The following CFAP54 variants were observed in gnomAD, a reference collection of about 807,000 sequenced individuals.
The protein encoded by CFAP54 is cilia- and flagella-associated protein 54.
Under a neutral mutation model 370.4 loss-of-function variants are expected in CFAP54, and 290 were observed. The ratio of observed to expected loss-of-function variants is 0.78; its 90% confidence interval spans 0.71 to 0.86. The LOEUF (loss-of-function observed/expected upper bound fraction) is 0.86, where lower values mean the gene tolerates loss of function less well. Ranked by LOEUF, CFAP54 falls within the 40% of genes least tolerant of loss-of-function variation. CFAP54 has a pLI of 0.00. For missense variants in CFAP54, 3,399 were observed against 3,528.7 expected, an observed-to-expected ratio of 0.96 and a Z score of 0.93; for synonymous variants, 1,206 against 1,236.5, an observed-to-expected ratio of 0.98 and a Z score of 0.52.
intron 19 of CFAP54, among the ~76,000 whole-genome samples, chr12:96,571,693 AT>A (rs1182360633): frequency 6.6e-6 from 1 of 152,110 alleles, no homozygotes; most frequent in Admixed American, 6.5e-5. Flanking sequence ...ACTAAGTAGT[AT>A]TGGTTTCATG....
At chr12:96,605,997 A>G (rs117077998) in intron 26 of CFAP54, among the ~76,000 whole-genome samples, 2,286 of 152,308 alleles carry the variant, frequency 0.015, 48 homozygotes, top group Non-Finnish European at 0.019. Context: ...ACCTGTAGGC[A>G]TCCTTTATTT....
chr12:96,530,851 CT>C (rs1299930768), intron 9 of CFAP54, among the ~76,000 whole-genome samples: 1 of 152,196 alleles, frequency 6.6e-6, no homozygotes, highest in East Asian at 1.9e-4. Context: ...TGTATCATTA[CT>C]TTTTTATTTT....
At chr12:96,541,283 C>T (rs1955565727) in intron 14 of CFAP54, among the ~76,000 whole-genome samples, 1 of 146,768 alleles carries the variant, frequency 6.8e-6, no homozygotes, top group Non-Finnish European at 1.5e-5. Context: ...TTCACTTTCT[C>T]TCCCTTTTTT....
chr12:96,826,579 A>T, intron 65 of CFAP54, among the ~76,000 whole-genome samples: 1 of 109,176 alleles, frequency 9.2e-6, no homozygotes. Context: ...AATATAGATT[A>T]TATGTATTAT....
intron 8 of CFAP54, among the ~76,000 whole-genome samples, chr12:96,526,577 C>T (rs1408088542): frequency 1.3e-5 from 2 of 152,156 alleles, no homozygotes; most frequent in Admixed American, 1.3e-4. Context: ...CAAAGCACCC[C>T]TGAGTGATTC....
chr12:96,792,306 T>C, intron 62 of CFAP54, 23 bp from the exon 63 acceptor site: 1 of 1,463,850 alleles, frequency 6.8e-7, no homozygotes, highest in Non-Finnish European at 9.0e-7. Context: ...GTAATTAAAC[T>C]GATGTTTTTG....
intron 17 of CFAP54, among the ~76,000 whole-genome samples, chr12:96,558,597 G>A (rs1354477513): frequency 6.6e-6 from 1 of 152,058 alleles, no homozygotes; most frequent in East Asian, 1.9e-4. Context: ...CACACCTACA[G>A]TGAACTCATT....
At chr12:96,749,330 A>C (rs141373139) in intron 55 of CFAP54, among the ~76,000 whole-genome samples, 56 of 152,370 alleles carry the variant, frequency 3.7e-4, no homozygotes, top group African/African-American at 1.3e-3. Flanking sequence ...AATCTCATGC[A>C]GGAGGGCAGA....
chr12:96,867,796 T>C (rs1960043382), intron 67 of CFAP54, among the ~76,000 whole-genome samples: 1 of 152,116 alleles, frequency 6.6e-6, no homozygotes, highest in Non-Finnish European at 1.5e-5. Flanking sequence ...AATTTCAAGT[T>C]AACAAGAAGA....
intron 39 of CFAP54, among the ~76,000 whole-genome samples, chr12:96,677,708 C>T (rs906000697): frequency 3.9e-5 from 6 of 152,172 alleles, no homozygotes; most frequent in Non-Finnish European, 8.8e-5. Flanking sequence ...GTATTTGATT[C>T]TCTTAAATGT....
intron 60 of CFAP54, 75 bp downstream of exon 60, chr12:96,765,293 T>C: frequency 7.7e-7 from 1 of 1,296,200 alleles, no homozygotes; most frequent in Non-Finnish European, 1.0e-6. Context: ...AAGATTTAAT[T>C]GTAATTTGTT....
At position 96,626,856 on chromosome 12, in the gene CFAP54, A is replaced by G. The variant is rs1181958521; in HGVS notation, c.4020A>G (p.Thr1340=). 6 of 1,419,974 alleles carry G rather than the reference A, an allele frequency of 4.2e-6. No individual in the cohort carries two copies. Among genetic ancestry groups the G allele is most frequent in the African/African-American group, 1.4e-5 (1 of 70,540 alleles). 88.0% of individuals were successfully genotyped at this position (1,419,974 alleles called of 1,614,324 possible). The change falls in exon 30 of 68, where the codon ACA becomes ACG. Residue 1340 remains threonine, a synonymous_variant. Transcript: ENST00000524981. ...AACCAAGATTTCTGGAATTCTTTAC[A>G]CAAGTTATGCTAAAATGCATGAATG... ...KQKPRFLEFF[T]QVMLKCMNEE...
intron 59 of CFAP54, 26 bp from the exon 60 acceptor site, chr12:96,765,051 A>G: frequency 7.3e-7 from 1 of 1,370,770 alleles, no homozygotes; most frequent in Non-Finnish European, 9.6e-7. Flanking sequence ...TTATATTTAT[A>G]ATTCTAATTT....
chr12:96,692,218 A>C (rs1957396480), intron 44 of CFAP54, among the ~76,000 whole-genome samples: 1 of 152,180 alleles, frequency 6.6e-6, no homozygotes, highest in Non-Finnish European at 1.5e-5. Context: ...TGATAAGTGC[A>C]TTTAACACTT....
chr12:96,542,613 TA>T (rs1466131164), intron 14 of CFAP54, among the ~76,000 whole-genome samples: 4 of 152,206 alleles, frequency 2.6e-5, no homozygotes, highest in Non-Finnish European at 5.9e-5. Context: ...CCGAGTATTT[TA>T]AAACAGACAC....
intron 63 of CFAP54, among the ~76,000 whole-genome samples, chr12:96,793,836 G>C (rs1026908380): frequency 6.6e-6 from 1 of 151,992 alleles, no homozygotes; most frequent in Non-Finnish European, 1.5e-5. Flanking sequence ...TTTCATGTTT[G>C]TTGGCCATTT....
chr12:96,848,466 AG>A (rs1482616161), intron 66 of CFAP54, among the ~76,000 whole-genome samples: 3 of 152,154 alleles, frequency 2.0e-5, no homozygotes, highest in African/African-American at 7.2e-5. Context: ...TGGGAGGCCA[AG>A]GCAGGTGGAT....
chr12:96,774,246 C>T (rs1269741788), intron 60 of CFAP54, among the ~76,000 whole-genome samples: 1 of 151,988 alleles, frequency 6.6e-6, no homozygotes, highest in Non-Finnish European at 1.5e-5. Context: ...TCTAATTTTT[C>T]AGTTGTTGCT....
chr12:96,821,541 G>C (rs1243483764), intron 65 of CFAP54, among the ~76,000 whole-genome samples: 1 of 151,934 alleles, frequency 6.6e-6, no homozygotes, highest in Non-Finnish European at 1.5e-5. Context: ...ATATTTTCTG[G>C]CTCCGTTAGT....
Sources: gnomAD v4.1 joint callset for allele counts (sites outside exome capture counted in the v4.1 genomes callset) on GRCh38, gnomAD v4.1.1 for gene constraint, MANE v1.5 for transcripts, NCBI Gene and HGNC (gene_info 2026-07-23, HGNC 2026-07-21) for gene names.